Variants in TNR observed in about 807,000 individuals in gnomAD.
TNR encodes tenascin-R.
TNR carries 45 observed loss-of-function variants against 150.4 expected under a neutral mutation model. The observed-to-expected ratio is 0.30, with a 90% CI of 0.24 to 0.38. The LOEUF (loss-of-function observed/expected upper bound fraction) is 0.38, where lower values mean the gene tolerates loss of function less well. Among genes scored for constraint, TNR ranks in the 10% least tolerant of loss-of-function variants. TNR has a pLI of 1.00. For synonymous variants in TNR, 687 were observed against 678.4 expected, an observed-to-expected ratio of 1.01 and a Z score of -0.20; for missense variants, 1,544 against 1,759.1, an observed-to-expected ratio of 0.88 and a Z score of 2.19.
At chr1:175,403,901 G>A (rs1202915792) in intron 3 of TNR, among the ~76,000 whole-genome samples, 1 of 152,190 alleles carries the variant, frequency 6.6e-6, no homozygotes, top group Non-Finnish European at 1.5e-5. Context: ...TTAGAAGTAG[G>A]TCTTTGCTAA....
At chr1:175,469,291 C>A (rs1037621601) in intron 2 of TNR, among the ~76,000 whole-genome samples, 3 of 152,110 alleles carry the variant, frequency 2.0e-5, no homozygotes, top group Non-Finnish European at 4.4e-5. Flanking sequence ...AGGAGGCAGA[C>A]ATTCAAATGG....
At position 175,548,805 on chromosome 1, in the gene TNR, C is replaced by A. The variant is rs770766415; in HGVS notation, c.-164-20436G>T. Among the ~76,000 whole-genome samples the A allele has an allele frequency of 2.8e-4, 43 of 152,304 alleles. 1 individual carries two copies. The highest frequency in any genetic ancestry group is 5.6e-4 in the Non-Finnish European group (38 of 68,018). ...TTACACTTAGAAAATGTAAAACCAC[C>A]TTTTAGTCATGACTGGCCATTTATC... On this transcript the variant is annotated intron_variant, in intron 1 of 22. Transcript: ENST00000367674.
chr1:175,331,078 C>CTTTCCTTCTTCTTTCT (rs57439733), intron 20 of TNR, among the ~76,000 whole-genome samples: 1 of 59,914 alleles, frequency 1.7e-5, no homozygotes, highest in African/African-American at 6.3e-5. Context: ...TCTTTCTTTC[C>CTTTCCTTCTTCTTTCT]TTCTTTCTTT....
At chr1:175,632,530 T>C (rs1400979652) in intron 1 of TNR, among the ~76,000 whole-genome samples, 2 of 152,240 alleles carry the variant, frequency 1.3e-5, no homozygotes, top group African/African-American at 4.8e-5. Context: ...AAAATGCTGG[T>C]AACCATGAAT....
At chr1:175,627,227 G>T (rs572162890) in intron 1 of TNR, among the ~76,000 whole-genome samples, 1 of 152,196 alleles carries the variant, frequency 6.6e-6, no homozygotes, top group Non-Finnish European at 1.5e-5. Context: ...GAATCTCATG[G>T]AATAAAAAGC....
At chr1:175,542,085 T>C (rs1390270643) in intron 1 of TNR, among the ~76,000 whole-genome samples, 1 of 152,176 alleles carries the variant, frequency 6.6e-6, no homozygotes, top group African/African-American at 2.4e-5. Flanking sequence ...GGTGCTCAGC[T>C]TGGCATGCCA....
chr1:175,616,294 G>A (rs754344042), intron 1 of TNR, among the ~76,000 whole-genome samples: 19 of 152,188 alleles, frequency 1.2e-4, no homozygotes, highest in Non-Finnish European at 2.2e-4. Context: ...CTCAGTGTCT[G>A]GGATGTCCCC....
At chr1:175,473,961 A>C (rs1657412165) in intron 2 of TNR, among the ~76,000 whole-genome samples, 1 of 152,144 alleles carries the variant, frequency 6.6e-6, no homozygotes, top group South Asian at 2.1e-4. Flanking sequence ...CTGTCAGTGC[A>C]CAAGCCGTTC....
rs1044154522 is a variant in TNR at position 175,322,053 on chromosome 1, C to T, written c.*1304G>A. The T allele has an allele frequency of 6.6e-6, 1 of 152,278 alleles. No individual in the cohort carries two copies. Among genetic ancestry groups the T allele is most frequent in the African/African-American group, 2.4e-5 (1 of 41,554 alleles). 9.4% of individuals were successfully genotyped at this position (152,278 alleles called of 1,614,324 possible). On this transcript the variant is annotated 3_prime_UTR_variant, in exon 23 of 23. Transcript: ENST00000367674. ...AAAAAAGAATCTGTGACAAATAGGA[C>T]CAGAAATGGAGAAAACAGGGCTAGG...
At chr1:175,470,100 G>T (rs1379636700) in intron 2 of TNR, among the ~76,000 whole-genome samples, 2 of 152,090 alleles carry the variant, frequency 1.3e-5, no homozygotes, top group African/African-American at 4.8e-5. Flanking sequence ...AGAGATGGGG[G>T]TACACAGAAG....
chr1:175,598,844 C>G (rs1207566125), intron 1 of TNR, among the ~76,000 whole-genome samples: 1 of 152,226 alleles, frequency 6.6e-6, no homozygotes. Context: ...GTAAATCACT[C>G]TGCCACTCTA....
intron 21 of TNR, among the ~76,000 whole-genome samples, chr1:175,329,462 A>T (rs531364164): frequency 6.6e-6 from 1 of 152,226 alleles, no homozygotes; most frequent in African/African-American, 2.4e-5. Flanking sequence ...CTGACCGTCT[A>T]TGTGGTTCTT....
At chr1:175,342,393 C>T (rs1032980039) in intron 18 of TNR, among the ~76,000 whole-genome samples, 4 of 152,138 alleles carry the variant, frequency 2.6e-5, no homozygotes, top group South Asian at 2.1e-4. Flanking sequence ...TGCAAAAGTA[C>T]GGCCCCTTTG....
At chr1:175,377,541 A>G (rs1461265131) in intron 9 of TNR, among the ~76,000 whole-genome samples, 1 of 141,660 alleles carries the variant, frequency 7.1e-6, no homozygotes, top group Non-Finnish European at 1.5e-5. Flanking sequence ...CAGCTGGTCT[A>G]TCCTTTCTCT....
chr1:175,355,944 C>A (rs868171708), intron 16 of TNR, among the ~76,000 whole-genome samples: 55 of 152,258 alleles, frequency 3.6e-4, no homozygotes, highest in African/African-American at 1.2e-3. Context: ...CTTGTTCACT[C>A]GTGAACTTAC....
chr1:175,530,705 A>G (rs2102178855), intron 1 of TNR, among the ~76,000 whole-genome samples: 1 of 148,058 alleles, frequency 6.8e-6, no homozygotes, highest in Admixed American at 7.0e-5. Flanking sequence ...ATACATGTAG[A>G]ATTTTTAGTG....
chr1:175,416,095 CAT>C (rs1654428082), intron 2 of TNR, among the ~76,000 whole-genome samples: 1 of 151,912 alleles, frequency 6.6e-6, no homozygotes, highest in Non-Finnish European at 1.5e-5. Flanking sequence ...GAATTCTTAA[CAT>C]CTGTAAAGCT....
At chr1:175,345,185 G>A (rs968780301) in intron 18 of TNR, among the ~76,000 whole-genome samples, 3 of 152,024 alleles carry the variant, frequency 2.0e-5, no homozygotes, top group African/African-American at 4.8e-5. Context: ...GAGAGAGGAA[G>A]GCTTGGAAGA....
chr1:175,380,314 A>C (rs1363923261), intron 8 of TNR, among the ~76,000 whole-genome samples: 1 of 148,276 alleles, frequency 6.7e-6, no homozygotes, highest in Non-Finnish European at 1.5e-5. Flanking sequence ...TAATGGAACC[A>C]TGAGCAAGTC....
Sources: allele counts gnomAD v4.1 joint callset (sites outside exome capture counted in the v4.1 genomes callset), GRCh38; gene constraint gnomAD v4.1.1; transcripts MANE v1.5; gene names NCBI Gene and HGNC (gene_info 2026-07-23, HGNC 2026-07-21).